NKAIN2: variants seen among roughly 807,000 people sequenced by gnomAD.
NKAIN2 encodes the protein sodium/potassium-transporting ATPase subunit beta-1-interacting protein 2.
In NKAIN2, 14 loss-of-function variants were observed where a neutral mutation model predicts 32.6. The ratio of observed to expected loss-of-function variants is 0.43; its 90% CI spans 0.28 to 0.67. NKAIN2 has a LOEUF of 0.67. Ranked by LOEUF, NKAIN2 falls within the 30% of genes least tolerant of loss-of-function variation. The pLI, the probability that NKAIN2 is intolerant of heterozygous loss-of-function variation, is 0.17. For missense variants in NKAIN2, 198 were observed against 258.3 expected (o/e 0.77, Z 1.60); for synonymous variants, 80 against 87.2 (o/e 0.92, Z 0.46).
intron 3 of NKAIN2, among the ~76,000 whole-genome samples, chr6:124,601,861 A>G (rs1305540679): frequency 6.6e-6 from 1 of 152,000 alleles, no homozygotes; most frequent in Non-Finnish European, 1.5e-5. Flanking sequence ...TCCACTGGGA[A>G]TTTGTGGGCT....
At chr6:124,727,385 A>C (rs1236867651) in intron 4 of NKAIN2, among the ~76,000 whole-genome samples, 6 of 152,082 alleles carry the variant, frequency 3.9e-5, no homozygotes, top group Non-Finnish European at 8.8e-5. Context: ...AAGCCAGAAG[A>C]GAGTGGGGGC....
chr6:124,690,850 A>G (rs1017951573), intron 4 of NKAIN2, among the ~76,000 whole-genome samples: 2 of 152,096 alleles, frequency 1.3e-5, no homozygotes, highest in Admixed American at 6.6e-5. Flanking sequence ...TTAAAGTCAC[A>G]CTTTCCTCCT....
rs1381813028 is a variant in NKAIN2 at position 124,720,004 on chromosome 6, T to C, written c.474+61618T>C. Among the ~76,000 whole-genome samples, 3 of 152,194 alleles carry C rather than the reference T, an allele frequency of 2.0e-5. No individual in the cohort carries two copies. The East Asian group carries it at 5.8e-4, about 29-fold the overall frequency. Reference sequence around the variant, plus strand: ...ATTCCCCAAAGAGAATGTCAAATTCTTTCAGGAATTTTTGCTGATTAGATC... The same window carrying C: ...ATTCCCCAAAGAGAATGTCAAATTCCTTCAGGAATTTTTGCTGATTAGATC... On this transcript the variant is annotated intron_variant, in intron 4 of 6. Transcript: ENST00000368417.
At chr6:124,436,418 C>T (rs373066809) in intron 3 of NKAIN2, among the ~76,000 whole-genome samples, 1 of 152,126 alleles carries the variant, frequency 6.6e-6, no homozygotes, top group Non-Finnish European at 1.5e-5. Flanking sequence ...TATCATAAAA[C>T]ACCGTGTTTT....
intron 4 of NKAIN2, among the ~76,000 whole-genome samples, chr6:124,679,105 T>C (rs1583631444): frequency 6.6e-6 from 1 of 152,100 alleles, no homozygotes; most frequent in Non-Finnish European, 1.5e-5. Context: ...TCATTAGGAC[T>C]CCAAGACAGT....
At chr6:124,088,102 T>C (rs1215883862) in intron 1 of NKAIN2, among the ~76,000 whole-genome samples, 1 of 151,984 alleles carries the variant, frequency 6.6e-6, no homozygotes, top group African/African-American at 2.4e-5. Flanking sequence ...CTGAGTAACA[T>C]AAAGTTGCCA....
intron 1 of NKAIN2, among the ~76,000 whole-genome samples, chr6:123,994,146 G>C (rs1017570592): frequency 6.6e-6 from 1 of 151,872 alleles, no homozygotes; most frequent in African/African-American, 2.4e-5. Flanking sequence ...CTGCCCACAG[G>C]CCTCCCTAAA....
At chr6:124,645,270 T>C (rs1443644055) in intron 3 of NKAIN2, among the ~76,000 whole-genome samples, 1 of 152,120 alleles carries the variant, frequency 6.6e-6, no homozygotes, top group African/African-American at 2.4e-5. Flanking sequence ...GGAAGGAATG[T>C]GTGAGGTAGA....
chr6:124,082,150 G>T (rs191215769), intron 1 of NKAIN2, among the ~76,000 whole-genome samples: 5 of 152,192 alleles, frequency 3.3e-5, no homozygotes, highest in Admixed American at 2.6e-4. Context: ...GTGGGCAACA[G>T]GAAGGGAAGG....
chr6:124,512,665 C>T lies in NKAIN2; in HGVS notation c.274-145521C>T, dbSNP rs553125788. Among the ~76,000 whole-genome samples the T allele has an allele frequency of 2.4e-4, 37 of 152,232 alleles. No homozygotes were observed. In the South Asian group the frequency reaches 4.1e-3, roughly 17 times the overall value. On this transcript the variant is annotated intron_variant, in intron 3 of 6. Transcript: ENST00000368417. Reference sequence around the variant, plus strand: ...TTAGAGCCACAGCCTGTCTGGCCCACGGCTGTGCAACACAGTATACCACCA... The same window carrying T: ...TTAGAGCCACAGCCTGTCTGGCCCATGGCTGTGCAACACAGTATACCACCA...
At chr6:124,139,298 C>T (rs1275055417) in intron 1 of NKAIN2, among the ~76,000 whole-genome samples, 1 of 150,244 alleles carries the variant, frequency 6.7e-6, no homozygotes, top group African/African-American at 2.5e-5. Flanking sequence ...CCTTGTTAGC[C>T]AGGATGGTCT....
chr6:123,899,805 A>G (rs1409086789), intron 1 of NKAIN2, among the ~76,000 whole-genome samples: 3 of 152,078 alleles, frequency 2.0e-5, no homozygotes, highest in African/African-American at 7.2e-5. Context: ...GCCCTTGTTC[A>G]GCATATACCT....
At chr6:124,401,429 CCCTT>C (rs1234569082) in intron 3 of NKAIN2, among the ~76,000 whole-genome samples, 1 of 152,126 alleles carries the variant, frequency 6.6e-6, no homozygotes, top group African/African-American at 2.4e-5. Flanking sequence ...ACAGCTGTGT[CCCTT>C]CATTTACCCA....
At chr6:124,210,431 G>T (rs1338164826) in intron 1 of NKAIN2, among the ~76,000 whole-genome samples, 4 of 151,542 alleles carry the variant, frequency 2.6e-5, no homozygotes, top group Non-Finnish European at 4.4e-5. Flanking sequence ...GGTCTTTTGT[G>T]GTTCCATATA....
intron 1 of NKAIN2, among the ~76,000 whole-genome samples, chr6:124,237,004 G>C (rs1439287247): frequency 6.6e-6 from 1 of 152,254 alleles, no homozygotes; most frequent in African/African-American, 2.4e-5. Flanking sequence ...CAAGAAGTTG[G>C]GTGTGTGGGA....
At chr6:124,296,310 T>A (rs1189634891) in intron 2 of NKAIN2, among the ~76,000 whole-genome samples, 3 of 152,124 alleles carry the variant, frequency 2.0e-5, no homozygotes, top group African/African-American at 7.2e-5. Flanking sequence ...ATGGAGTTGC[T>A]AGAGGAAAAA....
chr6:124,467,630 C>T (rs775296663), intron 3 of NKAIN2, among the ~76,000 whole-genome samples: 1 of 151,970 alleles, frequency 6.6e-6, no homozygotes, highest in Non-Finnish European at 1.5e-5. Context: ...GATCATTCAT[C>T]GAAAGTTGTT....
At chr6:124,634,981 G>T (rs899442452) in intron 3 of NKAIN2, among the ~76,000 whole-genome samples, 1 of 143,990 alleles carries the variant, frequency 6.9e-6, no homozygotes, top group African/African-American at 2.6e-5. Flanking sequence ...GAAAGAAAGA[G>T]AAAGAAGAGA....
At chr6:124,611,504 T>G (rs1192517675) in intron 3 of NKAIN2, among the ~76,000 whole-genome samples, 1 of 152,106 alleles carries the variant, frequency 6.6e-6, no homozygotes, top group Non-Finnish European at 1.5e-5. Flanking sequence ...CATTAAGTAT[T>G]TGTCCTAATG....
Sources: gnomAD v4.1 joint callset for allele counts (sites outside exome capture counted in the v4.1 genomes callset) on GRCh38, gnomAD v4.1.1 for gene constraint, MANE v1.5 for transcripts, NCBI Gene and HGNC (gene_info 2026-07-23, HGNC 2026-07-21) for gene names.